The following VAX2 variants were observed in gnomAD, a reference collection of about 807,000 sequenced individuals.
The protein encoded by VAX2 is ventral anterior homeobox 2.
Under a neutral mutation model 12.5 loss-of-function variants are expected in VAX2, and 8 were observed. The ratio of observed to expected loss-of-function variants is 0.64; its 90% confidence interval spans 0.37 to 1.15. The LOEUF (loss-of-function observed/expected upper bound fraction) is 1.15. VAX2 is among the 50% of genes most tolerant of loss of function. The probability of loss-of-function intolerance (pLI) is 0.01; values close to 1 mark genes in which losing one functional copy is unlikely to be tolerated. For synonymous variants in VAX2, 183 were observed against 187.6 expected (o/e 0.98, Z 0.20); for missense variants, 476 against 412.9 (o/e 1.15, Z -1.32).
intron 1 of VAX2, among the ~76,000 whole-genome samples, chr2:70,914,803 A>ATTTT (rs34964280): frequency 7.1e-6 from 1 of 140,654 alleles, no homozygotes; most frequent in Non-Finnish European, 1.5e-5. Flanking sequence ...ATTTACTTAA[A>ATTTT]TTTTTTTTTT....
chr2:70,900,588 C>T lies in VAX2; in HGVS notation c.-34C>T, dbSNP rs1678892542. On this transcript the variant is annotated 5_prime_UTR_variant, in exon 1 of 3. Transcript: ENST00000234392. ...GGCGCTCCCGGCCAGCGTAGGCTGGCTCCGCCGTAGAGGGGTTGGCAGTGG... is the reference window on the plus strand; with the variant it reads ...GGCGCTCCCGGCCAGCGTAGGCTGGTTCCGCCGTAGAGGGGTTGGCAGTGG... 2.4e-6 allele frequency: 3 copies of T among 1,238,736 alleles called. No individual in the cohort carries two copies. Among genetic ancestry groups the T allele is most frequent in the Non-Finnish European group, 3.0e-6 (3 of 991,588 alleles). 76.7% of individuals were successfully genotyped at this position (1,238,736 alleles called of 1,614,324 possible).
intron 1 of VAX2, among the ~76,000 whole-genome samples, chr2:70,902,598 C>T (rs1466569752): frequency 1.3e-5 from 2 of 152,180 alleles, no homozygotes; most frequent in Non-Finnish European, 2.9e-5. Flanking sequence ...ACATTTTCTT[C>T]CCCCCAGGAC....
rs782084499 is a variant in VAX2, at chr2:70,900,725, G to A, written c.104G>A (p.Arg35Gln). ...GACCGCAGCGGAGCGGGGGACTTGC[G>A]AGCTGATGGCGGTGGCCACAGCCCA... is the stretch of plus-strand genomic sequence containing the variant. ...CGDRSGAGDL[R>Q]ADGGGHSPTE... Residue 35 changes from arginine (R) to glutamine (Q), a missense_variant, in exon 1 of 3, where the codon CGA becomes CAA. Physicochemically the swap from Arg to Gln is conservative, Grantham distance 43. Transcript: ENST00000234392. The A allele has an allele frequency of 1.3e-5, 19 of 1,411,514 alleles. No homozygotes were observed. Among genetic ancestry groups the A allele is most frequent in the South Asian group, 5.9e-5 (4 of 67,302 alleles). The allele number at this position is 1,411,514 out of a possible 1,614,324, so 87.4% of individuals were successfully genotyped here.
At chr2:70,924,356 AT>A (rs1197920436) in intron 2 of VAX2, 1 of 151,692 alleles carries the variant, frequency 6.6e-6, no homozygotes, top group Non-Finnish European at 1.5e-5. Context: ...TTATTTATTT[AT>A]TTATTTATTT....
chr2:70,933,279 G>C lies in VAX2; in HGVS notation c.*75G>C. 1 of 1,378,058 alleles carries C rather than the reference G, an allele frequency of 7.3e-7. No homozygotes were observed. The highest frequency in any genetic ancestry group is 1.8e-5 in the South Asian group (1 of 55,526). 85.4% of individuals were successfully genotyped at this position (1,378,058 alleles called of 1,614,324 possible). ...CCTGTGCCCCAGCGGACAGCACTGAGCAGGCCCCGGAGAGGAGGGGCTGCA... is the reference window on the plus strand; with the variant it reads ...CCTGTGCCCCAGCGGACAGCACTGACCAGGCCCCGGAGAGGAGGGGCTGCA... On this transcript the variant is annotated 3_prime_UTR_variant, in exon 3 of 3. Coordinates refer to ENST00000234392, the MANE Select transcript of VAX2 (RefSeq NM_012476.3).
intron 2 of VAX2, among the ~76,000 whole-genome samples, chr2:70,924,555 T>C (rs1158515227): frequency 2.6e-5 from 4 of 152,076 alleles, no homozygotes; most frequent in African/African-American, 9.7e-5. Context: ...AAAAGTTAAA[T>C]AGATAACTTG....
At chr2:70,931,223 G>A (rs1273296181) in intron 2 of VAX2, among the ~76,000 whole-genome samples, 2 of 152,274 alleles carry the variant, frequency 1.3e-5, no homozygotes, top group African/African-American at 2.4e-5. Context: ...GTAGAGGCAG[G>A]GCCAGTTCTG....
At chr2:70,929,939 G>A (rs782611141) in intron 2 of VAX2, among the ~76,000 whole-genome samples, 1 of 150,838 alleles carries the variant, frequency 6.6e-6, no homozygotes, top group Non-Finnish European at 1.5e-5. Flanking sequence ...GTTCACTGCT[G>A]ATTCCCTGGG....
chr2:70,917,599 T>C (rs888542371), intron 1 of VAX2, among the ~76,000 whole-genome samples: 11 of 152,204 alleles, frequency 7.2e-5, no homozygotes, highest in Non-Finnish European at 1.0e-4. Flanking sequence ...CTTTCCCTGA[T>C]GGCCAGCAAT....
intron 1 of VAX2, among the ~76,000 whole-genome samples, chr2:70,916,257 G>C (rs576726945): frequency 2.0e-3 from 301 of 152,182 alleles, no homozygotes; most frequent in Non-Finnish European, 3.8e-3. Flanking sequence ...GAAGTCCCAT[G>C]TATCCATCAC....
At chr2:70,918,324 G>A (rs781992487) in intron 1 of VAX2, among the ~76,000 whole-genome samples, 4 of 152,202 alleles carry the variant, frequency 2.6e-5, no homozygotes, top group Non-Finnish European at 5.9e-5. Flanking sequence ...ACCCTGGAAG[G>A]GGAGTGTCAA....
chr2:70,905,478 C>G (rs1553410479), intron 1 of VAX2, among the ~76,000 whole-genome samples: 2 of 151,634 alleles, frequency 1.3e-5, no homozygotes, highest in African/African-American at 4.8e-5. Flanking sequence ...TTCCATAACC[C>G]TTACCCCCAC....
chr2:70,916,111 T>A (rs1679300805), intron 1 of VAX2, among the ~76,000 whole-genome samples: 1 of 152,196 alleles, frequency 6.6e-6, no homozygotes, highest in Non-Finnish European at 1.5e-5. Flanking sequence ...ACAGAGACAC[T>A]ATCGTGTTTT....
At chr2:70,923,674 G>C (rs949382405) in intron 2 of VAX2, among the ~76,000 whole-genome samples, 2 of 152,204 alleles carry the variant, frequency 1.3e-5, no homozygotes, top group African/African-American at 4.8e-5. Flanking sequence ...TACACTTGCT[G>C]GTTTATTATA....
intron 1 of VAX2, 117 bp downstream of exon 1, chr2:70,900,985 G>A (rs545243437): frequency 9.5e-7 from 1 of 1,050,376 alleles, no homozygotes; most frequent in South Asian, 3.3e-5. Context: ...TCGTCATCCA[G>A]TCATTCATTC....
intron 1 of VAX2, among the ~76,000 whole-genome samples, chr2:70,919,607 G>A (rs1553412514): frequency 6.6e-6 from 1 of 152,188 alleles, no homozygotes; most frequent in African/African-American, 2.4e-5. Context: ...TTGGGAGGCT[G>A]AGGCGGGCAG....
At position 70,900,636 on chromosome 2, in the gene VAX2, C is replaced by T; in HGVS notation, c.15C>T (p.Gly5=). 3 of 1,270,102 alleles carry T rather than the reference C, an allele frequency of 2.4e-6. No homozygotes were observed. The highest frequency in any genetic ancestry group is 3.0e-6 in the Non-Finnish European group (3 of 1,008,078). The allele number at this position is 1,270,102 out of a possible 1,614,324, so 78.7% of individuals were successfully genotyped here. Residue 5 remains glycine, a synonymous_variant, in exon 1 of 3, where the codon GGC becomes GGT. Transcript: ENST00000234392. ...TGGCGGTCAGCATGGGCGATGGGGG[C>T]GCCGAGCGCGACCGGGGCCCCGCGC... is the stretch of plus-strand genomic sequence containing the variant. MGDG[G]AERDRGPARR...
In VAX2 at chr2:70,900,899, T is replaced by C. The variant is rs1455413196; in HGVS notation, c.247+31T>C. ...GGGACAGCCCGCGGCCCTGCTCCAC[T>C]GGACCCTCACCCTACCCATACTGGG... On this transcript the variant is annotated intron_variant, in intron 1 of 2. Coordinates refer to ENST00000234392, the MANE Select transcript of VAX2 (RefSeq NM_012476.3). 7 of 1,339,606 alleles carry C rather than the reference T, an allele frequency of 5.2e-6. No individual in the cohort carries two copies. In the East Asian group the frequency reaches 2.2e-4, roughly 41 times the overall value. 83.0% of individuals were successfully genotyped at this position (1,339,606 alleles called of 1,614,324 possible).
rs1245736660 is a variant in VAX2 at position 70,900,669 on chromosome 2, G to A, written c.48G>A (p.Ala16=). The A allele has an allele frequency of 3.9e-6, 5 of 1,285,890 alleles. No homozygotes were observed. The highest frequency in any genetic ancestry group is 8.3e-5 in the Admixed American group (2 of 23,956). The allele number at this position is 1,285,890 out of a possible 1,614,324, so 79.7% of individuals were successfully genotyped here. Residue 16 remains alanine (A), a synonymous_variant, in exon 1 of 3, where the codon GCG becomes GCA. Coordinates refer to ENST00000234392, the MANE Select transcript of VAX2 (RefSeq NM_012476.3). ...AERDRGPARR[A]ESGGGGGRCG... is the part of the protein sequence containing the mutation. ...GCGACCGGGGCCCCGCGCGCCGGGC[G>A]GAGTCTGGTGGCGGCGGTGGGCGCT...
Sources: gnomAD v4.1 joint callset for allele counts (sites outside exome capture counted in the v4.1 genomes callset) on GRCh38, gnomAD v4.1.1 for gene constraint, MANE v1.5 for transcripts, NCBI Gene and HGNC (gene_info 2026-07-23, HGNC 2026-07-21) for gene names.